The following ADAMTS17 variants were observed in gnomAD, a reference collection of about 807,000 sequenced individuals.
The protein encoded by ADAMTS17 is A disintegrin and metalloproteinase with thrombospondin motifs 17.
ADAMTS17 carries 113 observed loss-of-function variants against 141.5 expected under a neutral mutation model. The ratio of observed to expected loss-of-function variants is 0.80; its 90% CI spans 0.69 to 0.93. ADAMTS17 has a LOEUF of 0.93. ADAMTS17 is among the 40% of genes least tolerant of loss of function. The pLI is 0.00. For missense variants in ADAMTS17, 1,659 were observed against 1,517.9 expected (o/e 1.09, Z -1.54); for synonymous variants, 768 against 630.6 (o/e 1.22, Z -3.27).
In ADAMTS17 at chr15:100,262,376, C is replaced by A. The variant is rs1218752365; in HGVS notation, c.849G>T (p.Lys283Asn). The change falls in exon 5 of 22, where the codon AAG (lysine) becomes AAT (asparagine). Residue 283 changes from lysine (K) to asparagine (N), a missense_variant. Transcript: ENST00000268070. Reference sequence around the variant, plus strand: ...CGGGACGTTGTCGTAGCAGGACAAGCTTGGTCACTTGAATGTTAATTTTAA... The same window carrying A: ...CGGGACGTTGTCGTAGCAGGACAAGATTGGTCACTTGAATGTTAATTTTAA... ...LGIKINIQVT[K>N]LVLLRQRPAK... The A allele has an allele frequency of 6.2e-7, 1 of 1,614,008 alleles. No individual in the cohort carries two copies. The highest frequency in any genetic ancestry group is 1.7e-5 in the Admixed American group (1 of 60,010).
intron 10 of ADAMTS17, among the ~76,000 whole-genome samples, chr15:100,148,615 T>C (rs1220698148): frequency 6.6e-6 from 1 of 152,118 alleles, no homozygotes; most frequent in Admixed American, 6.5e-5. Flanking sequence ...CCTTTATCTG[T>C]ATATAACTTA....
At chr15:100,314,942 G>A (rs549495366) in intron 3 of ADAMTS17, among the ~76,000 whole-genome samples, 1 of 152,248 alleles carries the variant, frequency 6.6e-6, no homozygotes, top group Non-Finnish European at 1.5e-5. Flanking sequence ...ACCGTCCCTG[G>A]AGAGTGCATT....
intron 8 of ADAMTS17, among the ~76,000 whole-genome samples, chr15:100,178,549 A>C (rs1029598405): frequency 6.6e-6 from 1 of 152,134 alleles, no homozygotes; most frequent in African/African-American, 2.4e-5. Flanking sequence ...AGAATACTCT[A>C]TAATATGTAG....
At chr15:100,058,544 C>CA (rs1465834884) in intron 15 of ADAMTS17, among the ~76,000 whole-genome samples, 4 of 152,158 alleles carry the variant, frequency 2.6e-5, no homozygotes, top group Non-Finnish European at 5.9e-5. Context: ...TGAAAAGGCC[C>CA]AAAAAAGGGC....
chr15:100,235,348 G>C (rs1231555004), intron 7 of ADAMTS17, among the ~76,000 whole-genome samples: 1 of 152,086 alleles, frequency 6.6e-6, no homozygotes, highest in Non-Finnish European at 1.5e-5. Flanking sequence ...TGGCTTTCCT[G>C]AGCATGCAAA....
intron 16 of ADAMTS17, among the ~76,000 whole-genome samples, chr15:100,053,333 T>TGGCCC (rs1422623910): frequency 6.6e-6 from 1 of 152,160 alleles, no homozygotes; most frequent in Admixed American, 6.5e-5. Context: ...CGCCCTGGCC[T>TGGCCC]GGCCCAATGG....
At chr15:100,278,751 C>A (rs1305351814) in intron 4 of ADAMTS17, among the ~76,000 whole-genome samples, 1 of 152,302 alleles carries the variant, frequency 6.6e-6, no homozygotes, top group South Asian at 2.1e-4. Flanking sequence ...GCAGGATTGC[C>A]GTGGGGTTCC....
intron 4 of ADAMTS17, among the ~76,000 whole-genome samples, chr15:100,278,417 G>A (rs949251146): frequency 6.6e-6 from 1 of 152,160 alleles, no homozygotes; most frequent in Admixed American, 6.5e-5. Context: ...TTTGAAGGAG[G>A]GGTGGGAGCA....
chr15:100,118,109 A>G (rs1340639232), intron 12 of ADAMTS17, among the ~76,000 whole-genome samples: 3 of 152,240 alleles, frequency 2.0e-5, no homozygotes, highest in African/African-American at 4.8e-5. Context: ...GGTCTACTCC[A>G]GGGGTTGAAA....
intron 3 of ADAMTS17, among the ~76,000 whole-genome samples, chr15:100,328,321 T>TCAGCCTATTAAAAGGCC (rs1796319030): frequency 6.6e-6 from 1 of 152,238 alleles, no homozygotes; most frequent in Non-Finnish European, 1.5e-5. Flanking sequence ...GCTCATTAGC[T>TCAGCCTATTAAAAGGCC]CAGCCTATTA....
intron 20 of ADAMTS17, among the ~76,000 whole-genome samples, chr15:99,991,583 ATTAG>A (rs1479812211): frequency 6.6e-6 from 1 of 152,240 alleles, no homozygotes; most frequent in Non-Finnish European, 1.5e-5. Context: ...GGGAATGTAA[ATTAG>A]TTCAACCATT....
At chr15:100,088,529 C>T (rs2035250853) in intron 15 of ADAMTS17, among the ~76,000 whole-genome samples, 1 of 152,014 alleles carries the variant, frequency 6.6e-6, no homozygotes, top group Non-Finnish European at 1.5e-5. Flanking sequence ...CCCGCATCGC[C>T]AAGTCAATCC....
rs978237990 is a variant in ADAMTS17 at position 100,323,995 on chromosome 15, C to G, written c.616+6894G>C. On this transcript the variant is annotated intron_variant, in intron 3 of 21. Coordinates refer to ENST00000268070, the MANE Select transcript of ADAMTS17 (RefSeq NM_139057.4). ...TAGTGGGTGGAGGGGAGAACGCCAT[C>G]AGTCACATCCGTAAACGTTCCTTTC... 4.1e-5 allele frequency among the ~76,000 whole-genome samples: 6 copies of G among 146,754 alleles called. No individual in the cohort carries two copies. The Admixed American group carries it at 4.1e-4, about 10-fold the overall frequency.
At chr15:100,200,434 T>G (rs1475071219) in intron 7 of ADAMTS17, among the ~76,000 whole-genome samples, 2 of 151,994 alleles carry the variant, frequency 1.3e-5, no homozygotes, top group African/African-American at 4.8e-5. Flanking sequence ...GGGCTGACTC[T>G]CCAGGGCTCC....
intron 15 of ADAMTS17, among the ~76,000 whole-genome samples, chr15:100,089,384 G>T (rs2035306273): frequency 7.0e-6 from 1 of 143,508 alleles, no homozygotes; most frequent in Admixed American, 7.0e-5. Context: ...ACTGTTGGTG[G>T]GATTGTAAAC....
intron 12 of ADAMTS17, 89 bp from the exon 13 acceptor site, chr15:100,117,102 A>T (rs2037185889): frequency 1.3e-6 from 2 of 1,489,810 alleles, no homozygotes; most frequent in Non-Finnish European, 1.8e-6. Context: ...GGGGGAGGAG[A>T]GGAAGGGGGC....
chr15:100,109,832 G>A (rs1348366401), intron 13 of ADAMTS17, among the ~76,000 whole-genome samples: 1 of 152,068 alleles, frequency 6.6e-6, no homozygotes, highest in African/African-American at 2.4e-5. Flanking sequence ...GCAGCACTTT[G>A]CCTTCTACTG....
In ADAMTS17 at chr15:100,330,995, C is replaced by G; in HGVS notation, c.510G>C (p.Gln170His). The change falls in exon 3 of 22, where the codon CAG becomes CAC. Residue 170 changes from glutamine (Q) to histidine (H), a missense_variant. By Grantham distance (24) the Gln-to-His change is conservative. Coordinates refer to ENST00000268070, the MANE Select transcript of ADAMTS17 (RefSeq NM_139057.4). ...GATGTTCTCGTCCACTGAATGGGCCCTGGGAGTTGTTGAGGGGCTGGATTA... is the reference window on the plus strand; with the variant it reads ...GATGTTCTCGTCCACTGAATGGGCCGTGGGAGTTGTTGAGGGGCTGGATTA... Reference protein sequence around the residue: ...QVLIQPLNNSQGPFSGREHLI... With the variant: ...QVLIQPLNNSHGPFSGREHLI... 6.2e-7 allele frequency: 1 copy of G among 1,614,178 alleles called. No homozygotes were observed. Among genetic ancestry groups the G allele is most frequent in the African/African-American group, 1.3e-5 (1 of 75,020 alleles).
At chr15:100,035,504 A>C (rs2030621055) in intron 18 of ADAMTS17, among the ~76,000 whole-genome samples, 1 of 151,990 alleles carries the variant, frequency 6.6e-6, no homozygotes, top group African/African-American at 2.4e-5. Context: ...TCTTATCCTT[A>C]TGTTTCTGTT....
Sources: allele counts gnomAD v4.1 joint callset (sites outside exome capture counted in the v4.1 genomes callset), GRCh38; gene constraint gnomAD v4.1.1; transcripts MANE v1.5; gene names NCBI Gene and HGNC (gene_info 2026-07-23, HGNC 2026-07-21).